PKHD1: variants seen among roughly 807,000 people sequenced by gnomAD.
PKHD1 encodes PKHD1 ciliary IPT domain containing fibrocystin/polyductin.
PKHD1 carries 291 observed loss-of-function variants against 412.0 expected under a neutral mutation model. The ratio of observed to expected loss-of-function variants is 0.71; its 90% CI spans 0.64 to 0.78. PKHD1 has a LOEUF of 0.78. PKHD1 is among the 30% of genes least tolerant of loss of function. The pLI is 0.00. For synonymous variants in PKHD1, 1,777 were observed against 1,821.5 expected, an observed-to-expected ratio of 0.98 and a Z score of 0.62; for missense variants, 4,825 against 4,950.7, an observed-to-expected ratio of 0.97 and a Z score of 0.76.
intron 60 of PKHD1, among the ~76,000 whole-genome samples, chr6:51,722,832 A>T (rs1395460989): frequency 6.6e-6 from 1 of 152,164 alleles, no homozygotes; most frequent in Non-Finnish European, 1.5e-5. Flanking sequence ...GAAGAGAAAG[A>T]CTGACTTCCT....
chr6:51,850,356 G>A (rs1040473412), intron 49 of PKHD1, among the ~76,000 whole-genome samples: 7 of 152,164 alleles, frequency 4.6e-5, no homozygotes, highest in Admixed American at 4.6e-4. Context: ...CTTTTGCTTA[G>A]GATTGTCTTG....
At chr6:51,983,424 C>A (rs1795823365) in intron 35 of PKHD1, among the ~76,000 whole-genome samples, 2 of 152,188 alleles carry the variant, frequency 1.3e-5, no homozygotes, top group South Asian at 4.1e-4. Flanking sequence ...GAACCTTCTG[C>A]CTTAACACTT....
At chr6:51,633,733 T>C (rs1035599319) in intron 64 of PKHD1, among the ~76,000 whole-genome samples, 4 of 152,112 alleles carry the variant, frequency 2.6e-5, no homozygotes, top group Non-Finnish European at 5.9e-5. Context: ...TTGCCAACGA[T>C]GAATGGTGGA....
At chr6:51,985,928 A>T (rs893410190) in intron 35 of PKHD1, among the ~76,000 whole-genome samples, 1 of 152,226 alleles carries the variant, frequency 6.6e-6, no homozygotes, top group African/African-American at 2.4e-5. Flanking sequence ...AGTAATTTTT[A>T]AAATAATTTA....
chr6:51,821,180 G>C (rs1160907029), intron 52 of PKHD1, among the ~76,000 whole-genome samples: 1 of 152,152 alleles, frequency 6.6e-6, no homozygotes, highest in Non-Finnish European at 1.5e-5. Flanking sequence ...ATAAAACTAG[G>C]TAAAATATGT....
chr6:51,781,715 T>TA (rs1322894845), intron 53 of PKHD1, among the ~76,000 whole-genome samples: 6 of 151,938 alleles, frequency 3.9e-5, no homozygotes, highest in African/African-American at 7.2e-5. Flanking sequence ...TAATAGTAGT[T>TA]AAAAAAACAG....
chr6:51,625,953 C>T (rs1417806233), intron 66 of PKHD1, among the ~76,000 whole-genome samples: 2 of 152,224 alleles, frequency 1.3e-5, no homozygotes, highest in Non-Finnish European at 2.9e-5. Flanking sequence ...AACCACACCC[C>T]CATACCCTCT....
intron 43 of PKHD1, among the ~76,000 whole-genome samples, chr6:51,893,848 T>C (rs1392883727): frequency 6.6e-6 from 1 of 152,158 alleles, no homozygotes; most frequent in East Asian, 1.9e-4. Context: ...TTAAACAGAA[T>C]TCCTTACAAA....
chr6:51,987,400 A>G (rs2128055672), intron 35 of PKHD1, among the ~76,000 whole-genome samples: 1 of 152,330 alleles, frequency 6.6e-6, no homozygotes, highest in South Asian at 2.1e-4. Flanking sequence ...ACCCTGTTTG[A>G]ACTTCACAAT....
Position 51,659,583 on chromosome 6 carries a change from T to A in PKHD1, c.10543A>T (p.Ile3515Phe). 6.2e-7 allele frequency: 1 copy of A among 1,613,710 alleles called. No individual in the cohort carries two copies. Among genetic ancestry groups the A allele is most frequent in the East Asian group, 2.2e-5 (1 of 44,840 alleles). ...SPHVFLGESF[I>F]PPTLVQSASL... Reference sequence around the variant, plus strand: ...GCTGACTGAACCAGAGTGGGTGGAATAAAACTTTCCCCTAAGAAGACGTGG... The same window carrying A: ...GCTGACTGAACCAGAGTGGGTGGAAAAAAACTTTCCCCTAAGAAGACGTGG... Residue 3515 changes from isoleucine (I) to phenylalanine (F), a missense_variant, in exon 61 of 67, where the codon ATT (isoleucine) becomes TTT (phenylalanine). Ile to Phe is a conservative substitution (Grantham distance 21). Transcript: ENST00000371117.
chr6:52,017,719 T>C, intron 33 of PKHD1, 90 bp from the exon 34 acceptor site: 1 of 925,414 alleles, frequency 1.1e-6, no homozygotes, highest in South Asian at 1.3e-5. Context: ...GTGTCCTCCT[T>C]TGACCAATAG....
chr6:52,034,267 T>C (rs1238440933), intron 28 of PKHD1, among the ~76,000 whole-genome samples: 1 of 150,230 alleles, frequency 6.7e-6, no homozygotes, highest in Non-Finnish European at 1.5e-5. Context: ...TATAAACAGG[T>C]TTTATTAATT....
chr6:51,639,440 T>C (rs532320354), intron 63 of PKHD1, among the ~76,000 whole-genome samples: 32 of 152,232 alleles, frequency 2.1e-4, no homozygotes, highest in Non-Finnish European at 4.3e-4. Context: ...GTCTTTCTTC[T>C]ATCCAAGTTA....
At position 52,058,437 on chromosome 6, in the gene PKHD1, C is replaced by T. The variant is rs1225931604; in HGVS notation, c.1398G>A (p.Gly466=). The change falls in exon 16 of 67, where the codon GGG becomes GGA. Residue 466 remains glycine, a synonymous_variant. Transcript: ENST00000371117. The stretch of plus-strand genomic sequence containing the variant: ...TGTGAATCTGGACACCAATCCTCAT[C>T]CCCCTGCTTGGGGCTATCCCATGAT... ...AEHHGIAPSR[G]MRIGVQIHNT... is the part of the protein sequence containing the mutation. 1 of 1,614,062 alleles carries T rather than the reference C, an allele frequency of 6.2e-7. No homozygotes were observed. Among genetic ancestry groups the T allele is most frequent in the African/African-American group, 1.3e-5 (1 of 74,916 alleles).
At chr6:52,035,808 T>C (rs2128169351) in intron 27 of PKHD1, 87 bp from the exon 28 acceptor site, 2 of 1,344,342 alleles carry the variant, frequency 1.5e-6, no homozygotes, top group East Asian at 4.6e-5. Context: ...TAAAATGAAA[T>C]TAAAATATGA....
At chr6:51,645,380 A>G (rs1769958661) in intron 63 of PKHD1, among the ~76,000 whole-genome samples, 2 of 151,986 alleles carry the variant, frequency 1.3e-5, no homozygotes, top group South Asian at 2.1e-4. Context: ...GCATATTTTG[A>G]AAACATTATT....
chr6:51,788,042 T>G (rs1181897411), intron 53 of PKHD1, among the ~76,000 whole-genome samples: 1 of 152,032 alleles, frequency 6.6e-6, no homozygotes, highest in Non-Finnish European at 1.5e-5. Flanking sequence ...ATATCTGCAG[T>G]GTAGAAAGAT....
intron 11 of PKHD1, 111 bp downstream of exon 11, chr6:52,069,346 G>A: frequency 2.5e-6 from 2 of 810,396 alleles, no homozygotes; most frequent in Non-Finnish European, 4.5e-6. Context: ...ATGATTGTAG[G>A]GACAGCTTCG....
At chr6:51,639,997 G>A (rs531581019) in intron 63 of PKHD1, among the ~76,000 whole-genome samples, 3 of 152,186 alleles carry the variant, frequency 2.0e-5, no homozygotes, top group East Asian at 3.9e-4. Flanking sequence ...TCTCTTCTGA[G>A]TTCTAAAATA....
Sources: gnomAD v4.1 joint callset for allele counts (sites outside exome capture counted in the v4.1 genomes callset) on GRCh38, gnomAD v4.1.1 for gene constraint, MANE v1.5 for transcripts, NCBI Gene and HGNC (gene_info 2026-07-23, HGNC 2026-07-21) for gene names.